ACOT9: variants seen among roughly 807,000 people sequenced by gnomAD.
ACOT9 encodes acyl-coenzyme A thioesterase 9, mitochondrial.
In ACOT9, 34 loss-of-function variants were observed where a neutral mutation model predicts 39.7. The ratio of observed to expected loss-of-function variants is 0.86; its 90% CI spans 0.65 to 1.14. The LOEUF (loss-of-function observed/expected upper bound fraction) is 1.14, where lower values mean the gene tolerates loss of function less well. ACOT9 is among the 50% of genes most tolerant of loss of function. The pLI, the probability that ACOT9 is intolerant of heterozygous loss-of-function variation, is 0.00. For missense variants in ACOT9, 313 were observed against 344.1 expected (o/e 0.91, Z 0.71); for synonymous variants, 110 against 120.5 (o/e 0.91, Z 0.57).
At chrX:23,729,430 T>C (rs773448873) in intron 6 of ACOT9, among the ~76,000 whole-genome samples, 16 of 112,075 alleles carry the variant, frequency 1.4e-4, no homozygotes, top group Non-Finnish European at 1.1e-4. Flanking sequence ...CCTTCTGCTA[T>C]GAAGGACCAC....
At chrX:23,732,551 A>G (rs1196686010) in intron 4 of ACOT9, among the ~76,000 whole-genome samples, 1 of 112,156 alleles carries the variant, frequency 8.9e-6, no homozygotes, top group Admixed American at 9.6e-5. Flanking sequence ...TTTTTCATAT[A>G]AAGAATTTAA....
At chrX:23,718,160 G>GT (rs965375649) in intron 8 of ACOT9, among the ~76,000 whole-genome samples, 1 of 111,168 alleles carries the variant, frequency 9.0e-6, no homozygotes. Flanking sequence ...ACATGAATGG[G>GT]TTTTTTTCAA....
chrX:23,724,461 CCT>C (rs1474551650), intron 6 of ACOT9, among the ~76,000 whole-genome samples: 1 of 108,430 alleles, frequency 9.2e-6, no homozygotes, highest in Admixed American at 9.9e-5. Flanking sequence ...GAGTGAGACC[CCT>C]GTCTCTACAA....
At chrX:23,729,215 T>C (rs1166046843) in intron 6 of ACOT9, among the ~76,000 whole-genome samples, 2 of 111,503 alleles carry the variant, frequency 1.8e-5, no homozygotes, top group African/African-American at 6.5e-5. Flanking sequence ...CACCACTTGA[T>C]AGGATACAAT....
chrX:23,725,112 T>C (rs780187687), intron 6 of ACOT9, among the ~76,000 whole-genome samples: 1 of 110,520 alleles, frequency 9.0e-6, no homozygotes, highest in Non-Finnish European at 1.9e-5. Flanking sequence ...AAGGGAAGGG[T>C]AGAGAAGAGA....
At chrX:23,742,205 T>TGAGAGAGAGAGAGA (rs1490829230) in intron 1 of ACOT9, among the ~76,000 whole-genome samples, 57 of 65,518 alleles carry the variant, frequency 8.7e-4, no homozygotes, top group Non-Finnish European at 1.2e-3. Flanking sequence ...CCAGGAACAG[T>TGAGAGAGAGAGAGA]GAGTGAGTGA....
intron 6 of ACOT9, among the ~76,000 whole-genome samples, chrX:23,723,702 A>G (rs12559797): frequency 0.16 from 17,393 of 109,520 alleles, 1,234 homozygotes; most frequent in East Asian, 0.36. Context: ...CTCAGACAAG[A>G]TATGTGGCTC....
At chrX:23,710,912 G>A (rs1928871220) in intron 9 of ACOT9, among the ~76,000 whole-genome samples, 1 of 110,446 alleles carries the variant, frequency 9.1e-6, no homozygotes, top group African/African-American at 3.3e-5. Context: ...GAGGCGGAAG[G>A]ATTGCTTGAG....
chrX:23,736,105 A>G (rs989132521), intron 1 of ACOT9, 89 bp from the exon 2 acceptor site: 4 of 695,091 alleles, frequency 5.8e-6, no homozygotes, highest in African/African-American at 2.2e-5. Flanking sequence ...GTATCTGGCC[A>G]TATCACCCTT....
At chrX:23,733,874 G>A (rs1929843707) in intron 3 of ACOT9, among the ~76,000 whole-genome samples, 1 of 112,566 alleles carries the variant, frequency 8.9e-6, no homozygotes, top group African/African-American at 3.2e-5. Context: ...TGATTCTCCT[G>A]CCTCAGCCTC....
intron 15 of ACOT9, among the ~76,000 whole-genome samples, 189 bp from the exon 16 acceptor site, chrX:23,704,171 T>G (rs1169613452): frequency 5.5e-5 from 5 of 90,809 alleles, no homozygotes; most frequent in Non-Finnish European, 1.1e-4. Flanking sequence ...GATCAGTTTT[T>G]TTTTTTTTTT....
intron 8 of ACOT9, among the ~76,000 whole-genome samples, chrX:23,719,775 G>A (rs1428570691): frequency 2.7e-5 from 3 of 111,987 alleles, no homozygotes; most frequent in East Asian, 5.6e-4. Flanking sequence ...CTCCTGCTAT[G>A]TAGCCCATGG....
intron 1 of ACOT9, among the ~76,000 whole-genome samples, chrX:23,738,052 A>C (rs1360323062): frequency 9.5e-6 from 1 of 105,369 alleles, no homozygotes; most frequent in Non-Finnish European, 1.9e-5. Context: ...TATTTTTAGT[A>C]GAGACGGGGT....
Position 23,730,575 on chromosome X carries a change from A to G in ACOT9, c.363-11T>C. 1 of 1,199,468 alleles carries G rather than the reference A, an allele frequency of 8.3e-7. No individual in the cohort carries two copies. The highest frequency in any genetic ancestry group is 1.1e-6 in the Non-Finnish European group (1 of 884,632). ...AGAATCCTGCCAAATCTGTGAAATA[A>G]AGCAAACAGTGAATTAAATGCAAAT... On this transcript the variant is annotated splice_polypyrimidine_tract_variant and intron_variant, in intron 5 of 15. Coordinates refer to ENST00000379303, the MANE Select transcript of ACOT9 (RefSeq NM_001037171.2).
At chrX:23,704,097 T>A in intron 15 of ACOT9, 115 bp from the exon 16 acceptor site, 3 of 557,073 alleles carry the variant, frequency 5.4e-6, no homozygotes, top group Non-Finnish European at 8.8e-6. Flanking sequence ...GATACACTGT[T>A]GGGCCGGGGT....
rs1225790525 is a variant in ACOT9, at chrX:23,743,111, G to A, written c.20+14C>T. The stretch of plus-strand genomic sequence containing the variant: ...CTACCGCCCTGCCAGCCCCTTCCAC[G>A]CCCCGCCACCTACCGCAGTGCTGCC... On this transcript the variant is annotated intron_variant, in intron 1 of 15. Coordinates refer to ENST00000379303, the MANE Select transcript of ACOT9 (RefSeq NM_001037171.2). The A allele has an allele frequency of 8.7e-7, 1 of 1,154,110 alleles. No homozygotes were observed. Among genetic ancestry groups the A allele is most frequent in the Non-Finnish European group, 1.2e-6 (1 of 865,432 alleles).
intron 2 of ACOT9, among the ~76,000 whole-genome samples, chrX:23,735,036 G>A (rs1929891072): frequency 1.0e-5 from 1 of 99,416 alleles, no homozygotes; most frequent in South Asian, 4.9e-4. Flanking sequence ...ACTTTGGGAG[G>A]CCAAGACAGG....
At chrX:23,725,814 C>T (rs1165978100) in intron 6 of ACOT9, among the ~76,000 whole-genome samples, 1 of 109,175 alleles carries the variant, frequency 9.2e-6, no homozygotes, top group Non-Finnish European at 1.9e-5. Flanking sequence ...GAGACCCTGT[C>T]TCAAAAACTA....
At chrX:23,722,357 A>C (rs950795628) in intron 7 of ACOT9, among the ~76,000 whole-genome samples, 1 of 111,391 alleles carries the variant, frequency 9.0e-6, no homozygotes, top group African/African-American at 3.3e-5. Context: ...TGAGGTCAGG[A>C]GTTTGAGACC....
Sources: gnomAD v4.1 joint callset for allele counts (sites outside exome capture counted in the v4.1 genomes callset) on GRCh38, gnomAD v4.1.1 for gene constraint, MANE v1.5 for transcripts, NCBI Gene and HGNC (gene_info 2026-07-23, HGNC 2026-07-21) for gene names.